Variants in TRIM37 observed in about 807,000 individuals in gnomAD.
TRIM37 encodes E3 ubiquitin-protein ligase TRIM37.
In TRIM37, 80 loss-of-function variants were observed where a neutral mutation model predicts 129.8. That is an observed-to-expected ratio of 0.62 (90% CI 0.51 to 0.74). TRIM37 has a LOEUF of 0.74. Among genes scored for constraint, TRIM37 ranks in the 30% least tolerant of loss-of-function variants. The pLI, the probability that TRIM37 is intolerant of heterozygous loss-of-function variation, is 0.00. For synonymous variants in TRIM37, 389 were observed against 387.1 expected, an observed-to-expected ratio of 1.00 and a Z score of -0.06; for missense variants, 1,054 against 1,176.5, an observed-to-expected ratio of 0.90 and a Z score of 1.52.
intron 13 of TRIM37, among the ~76,000 whole-genome samples, chr17:59,056,089 A>C (rs1424492451): frequency 6.6e-6 from 1 of 152,210 alleles, no homozygotes; most frequent in East Asian, 1.9e-4. Flanking sequence ...AAGTGAAAAA[A>C]ATCAGCACTT....
chr17:59,046,299 C>G (rs991655688), intron 16 of TRIM37, among the ~76,000 whole-genome samples: 8 of 152,052 alleles, frequency 5.3e-5, no homozygotes, highest in African/African-American at 7.2e-5. Flanking sequence ...AGTGAAGAAA[C>G]CTGGCGGATG....
At chr17:59,041,737 A>G in intron 17 of TRIM37, 76 bp downstream of exon 17, 1 of 1,117,772 alleles carries the variant, frequency 8.9e-7, no homozygotes, top group South Asian at 1.2e-5. Context: ...GCTACCACCT[A>G]TTTAAAATAT....
rs1366333212 is a variant in TRIM37 at position 59,042,447 on chromosome 17, A to AT, written c.1668-550_1668-549insA. Among the ~76,000 whole-genome samples, 372 of 38,842 alleles carry AT rather than the reference A, an allele frequency of 9.6e-3. 1 individual carries two copies. The highest frequency in any genetic ancestry group is 0.039 in the East Asian group (33 of 842). The allele number at this position is 38,842 out of a possible 152,430, so 25.5% of individuals were successfully genotyped here. On this transcript the variant is annotated intron_variant, in intron 16 of 23. Transcript: ENST00000262294. Reference sequence around the variant, plus strand: ...AAAGGAATTTAAAAAAAAAAAAAAAAAAATATATATATATATATATATATA... The same window carrying AT: ...AAAGGAATTTAAAAAAAAAAAAAAAATAAATATATATATATATATATATATA...
At chr17:59,036,328 T>C (rs1156243288) in intron 17 of TRIM37, among the ~76,000 whole-genome samples, 1 of 152,164 alleles carries the variant, frequency 6.6e-6, no homozygotes, top group East Asian at 1.9e-4. Context: ...TGAAGTTAAA[T>C]GAAAGACAAT....
At chr17:58,972,939 ATT>A in the TRIM37 span, 1,378 of 1,604,378 alleles carry the variant, frequency 8.6e-4, 22 homozygotes, top group African/African-American at 0.016. Flanking sequence ...GGAAAAACAA[ATT>A]TTTGTTTCTC....
At chr17:59,015,464 T>C (rs151030981) in intron 21 of TRIM37, 146 bp downstream of exon 21, 71 of 889,978 alleles carry the variant, frequency 8.0e-5, no homozygotes, top group Admixed American at 1.4e-4. Context: ...ATTAAAAAAG[T>C]TAAAATTTAG....
At chr17:59,063,211 C>T (rs2041646864) in intron 10 of TRIM37, among the ~76,000 whole-genome samples, 1 of 150,190 alleles carries the variant, frequency 6.7e-6, no homozygotes, top group Non-Finnish European at 1.5e-5. Context: ...CAGAGTTTTA[C>T]TCTTGTTGCC....
intron 8 of TRIM37, among the ~76,000 whole-genome samples, chr17:59,072,875 C>T (rs2042505958): frequency 6.6e-6 from 1 of 151,952 alleles, no homozygotes; most frequent in Non-Finnish European, 1.5e-5. Context: ...GTGGTAACAG[C>T]AGAAAACAAC....
intron 23 of TRIM37, among the ~76,000 whole-genome samples, chr17:58,999,843 C>A (rs1002292674): frequency 6.6e-6 from 1 of 152,180 alleles, no homozygotes; most frequent in African/African-American, 2.4e-5. Flanking sequence ...ACTACGCATT[C>A]AAGTATCACT....
At chr17:59,002,150 AATATTAGAAATTC>A (rs1230351129) in intron 22 of TRIM37, among the ~76,000 whole-genome samples, 2 of 152,218 alleles carry the variant, frequency 1.3e-5, no homozygotes, top group Non-Finnish European at 2.9e-5. Context: ...ATGGTGTATG[AATATTAGAAATTC>A]TGGCAATTCT....
At chr17:58,986,870 C>G (rs1240818443) in intron 24 of TRIM37, among the ~76,000 whole-genome samples, 1 of 152,182 alleles carries the variant, frequency 6.6e-6, no homozygotes, top group Non-Finnish European at 1.5e-5. Context: ...TTTAGGGAAC[C>G]TCCTTTTGCT....
In TRIM37 at chr17:59,021,897, C is replaced by T. The variant is rs191973765; in HGVS notation, c.2258-4473G>A. Among the ~76,000 whole-genome samples, 227 of 151,814 alleles carry T rather than the reference C, an allele frequency of 1.5e-3. 2 individuals are homozygous for T. Among genetic ancestry groups the T allele is most frequent in the South Asian group, 4.6e-3 (22 of 4,798 alleles). On this transcript the variant is annotated intron_variant, in intron 19 of 23. Transcript: ENST00000262294. ...TATATCCTATAAATATATATACCTA[C>T]AATGTACCCACAAAAATTAAAAATT...
chr17:59,087,395 G>C (rs758602236), intron 4 of TRIM37, among the ~76,000 whole-genome samples: 8 of 151,244 alleles, frequency 5.3e-5, no homozygotes, highest in Non-Finnish European at 1.0e-4. Context: ...ACACCCGCCC[G>C]AATAGTAGGT....
Position 59,047,727 on chromosome 17 carries a change from T to G in TRIM37, c.1623A>C (p.Thr541=). Residue 541 remains threonine (T), a synonymous_variant, in exon 16 of 24, where the codon ACA becomes ACC. Transcript: ENST00000262294. ...LDGSSSSASS[T]ATSNTEENDI... is the part of the protein sequence containing the mutation. ...CATTTTCTTCTGTATTACTTGTTGC[T>G]GTGGAACTAGCAGAGGAACTGCTGC... is the stretch of plus-strand genomic sequence containing the variant. 1.2e-6 allele frequency: 2 copies of G among 1,614,132 alleles called. No homozygotes were observed. Among genetic ancestry groups the G allele is most frequent in the South Asian group, 2.2e-5 (2 of 91,074 alleles).
At chr17:59,106,004 C>A (rs755445052) in intron 1 of TRIM37, among the ~76,000 whole-genome samples, 1 of 152,136 alleles carries the variant, frequency 6.6e-6, no homozygotes, top group Non-Finnish European at 1.5e-5. Flanking sequence ...CTGATTCAAT[C>A]TAGGAAGGAA....
At chr17:58,990,877 G>C (rs1042503514) in intron 24 of TRIM37, among the ~76,000 whole-genome samples, 4 of 150,336 alleles carry the variant, frequency 2.7e-5, no homozygotes, top group Non-Finnish European at 5.9e-5. Flanking sequence ...CCACACCTAA[G>C]AAAAAGAAGT....
Position 59,056,948 on chromosome 17 carries a change from T to C in TRIM37, c.1126A>G (p.Asn376Asp), listed in dbSNP as rs1378621243. 6.2e-7 allele frequency: 1 copy of C among 1,613,820 alleles called. No individual in the cohort carries two copies. The highest frequency in any genetic ancestry group is 8.5e-7 in the Non-Finnish European group (1 of 1,179,898). The change falls in exon 13 of 24, where the codon AAT becomes GAT. Residue 376 changes from asparagine (N) to aspartate (D), a missense_variant. By Grantham distance (23) the Asn-to-Asp change is conservative (BLOSUM62 1). Around this residue, in one of 3 missense-constraint regions of TRIM37, gnomAD observed 752 missense variants for 870.8 expected, o/e 0.86. Coordinates refer to ENST00000262294, the MANE Select transcript of TRIM37 (RefSeq NM_015294.6). Reference sequence around the variant, plus strand: ...AGTAAGTCCAAACGGAAAAATCTATTATAGCCCCAGCATTCTCCAACTTCA... The same window carrying C: ...AGTAAGTCCAAACGGAAAAATCTATCATAGCCCCAGCATTCTCCAACTTCA... ...DFEVGECWGY[N>D]RFFRLDLLAN...
intron 24 of TRIM37, among the ~76,000 whole-genome samples, chr17:58,992,754 A>G (rs1412520878): frequency 6.6e-6 from 1 of 152,146 alleles, no homozygotes; most frequent in Admixed American, 6.5e-5. Flanking sequence ...CTGGGCTATC[A>G]CATGGTTCAG....
intron 2 of TRIM37, among the ~76,000 whole-genome samples, chr17:59,096,612 C>T (rs1409382144): frequency 7.1e-6 from 1 of 141,106 alleles, no homozygotes; most frequent in African/African-American, 2.6e-5. Flanking sequence ...CTTTAAGAAA[C>T]ATTAATTACA....
Sources: allele counts gnomAD v4.1 joint callset (sites outside exome capture counted in the v4.1 genomes callset), GRCh38; gene constraint gnomAD v4.1.1; regional missense constraint gnomAD v4.1.1; transcripts MANE v1.5; gene names NCBI Gene and HGNC (gene_info 2026-07-23, HGNC 2026-07-21).